Variants in TMEM156 observed in about 807,000 individuals in gnomAD.
The protein encoded by TMEM156 is transmembrane protein 156.
A neutral mutation model predicts 30.5 loss-of-function variants in TMEM156; 28 were observed. The observed-to-expected ratio is 0.92, with a 90% CI of 0.68 to 1.26. TMEM156 has a LOEUF of 1.26. Ranked by LOEUF, TMEM156 falls within the 50% of genes most tolerant of loss-of-function variation. The probability of loss-of-function intolerance (pLI) is 0.00; values close to 1 mark genes in which losing one functional copy is unlikely to be tolerated. For missense variants in TMEM156, 351 were observed against 340.6 expected, an observed-to-expected ratio of 1.03 and a Z score of -0.24; for synonymous variants, 137 against 119.9, an observed-to-expected ratio of 1.14 and a Z score of -0.93.
chr4:39,016,410 G>C (rs940573897), intron 1 of TMEM156, among the ~76,000 whole-genome samples: 3 of 150,350 alleles, frequency 2.0e-5, no homozygotes, highest in Non-Finnish European at 4.4e-5. Context: ...GAACCAACTT[G>C]TGATTTTATT....
chr4:39,017,201 GTCT>G (rs529527731), intron 1 of TMEM156, among the ~76,000 whole-genome samples: 1,124 of 106,330 alleles, frequency 0.011, 22 homozygotes, highest in African/African-American at 0.039. Flanking sequence ...TTGAGACAGA[GTCT>G]CGCTCTGTCT....
chr4:38,987,476 C>A (rs1712087632), intron 4 of TMEM156, among the ~76,000 whole-genome samples: 1 of 152,192 alleles, frequency 6.6e-6, no homozygotes, highest in African/African-American at 2.4e-5. Flanking sequence ...TGATATGAAA[C>A]TGCTCTCAAA....
intron 5 of TMEM156, among the ~76,000 whole-genome samples, chr4:38,976,428 C>T (rs1722856450): frequency 6.6e-6 from 1 of 152,122 alleles, no homozygotes; most frequent in African/African-American, 2.4e-5. Context: ...CCAAGGCCCT[C>T]CGTACACAGC....
At chr4:38,987,196 T>A (rs1801074) in intron 4 of TMEM156, among the ~76,000 whole-genome samples, 19,965 of 152,214 alleles carry the variant, frequency 0.13, 1,444 homozygotes, top group East Asian at 0.21. Context: ...ATAACACACA[T>A]TTACTTTAAA....
chr4:38,999,046 T>C (rs2109977790), intron 1 of TMEM156, 137 bp from the exon 2 acceptor site: 2 of 479,726 alleles, frequency 4.2e-6, no homozygotes, highest in East Asian at 3.4e-5. Flanking sequence ...AGACTGTTTT[T>C]TAAACTTGAA....
In TMEM156 at chr4:38,998,874, A is replaced by C. The variant is rs753250432; in HGVS notation, c.124T>G (p.Leu42Val). 6.2e-7 allele frequency: 1 copy of C among 1,613,776 alleles called. No homozygotes were observed. Among genetic ancestry groups the C allele is most frequent in the Non-Finnish European group, 8.5e-7 (1 of 1,179,888 alleles). Reference sequence around the variant, plus strand: ...AGTGAATAGGTAAAATTAGATTGCAAACACACTTCCAGACATGATAGCTCC... The same window carrying C: ...AGTGAATAGGTAAAATTAGATTGCACACACACTTCCAGACATGATAGCTCC... ...TLELSCLEVC[L>V]QSNFTYSLSS... Residue 42 changes from leucine to valine, a missense_variant, in exon 2 of 7, where the codon TTG becomes GTG. By Grantham distance (32) the Leu-to-Val change is conservative. Transcript: ENST00000381938.
chr4:39,014,561 C>G (rs549828190), intron 1 of TMEM156, among the ~76,000 whole-genome samples: 1 of 152,120 alleles, frequency 6.6e-6, no homozygotes, highest in Non-Finnish European at 1.5e-5. Flanking sequence ...GAGTTTGAGG[C>G]CAGCCTGGCC....
chr4:38,974,254 G>A (rs537252059), intron 5 of TMEM156, among the ~76,000 whole-genome samples: 1 of 148,314 alleles, frequency 6.7e-6, no homozygotes, highest in South Asian at 2.1e-4. Flanking sequence ...ACCCAGGTTG[G>A]AGTATAGTGG....
At chr4:38,994,151 G>T (rs1316103739) in intron 2 of TMEM156, among the ~76,000 whole-genome samples, 153 bp from the exon 3 acceptor site, 2 of 152,188 alleles carry the variant, frequency 1.3e-5, no homozygotes, top group South Asian at 2.1e-4. Flanking sequence ...TTGAGACAGG[G>T]TCTCACTCCG....
At chr4:39,013,064 T>G (rs1273709894) in intron 1 of TMEM156, among the ~76,000 whole-genome samples, 1 of 152,092 alleles carries the variant, frequency 6.6e-6, no homozygotes, top group Non-Finnish European at 1.5e-5. Context: ...TCTGGGAGGC[T>G]ACTGTGGGTG....
At chr4:39,024,626 G>A (rs562879375) in intron 1 of TMEM156, among the ~76,000 whole-genome samples, 1 of 152,280 alleles carries the variant, frequency 6.6e-6, no homozygotes, top group South Asian at 2.1e-4. Flanking sequence ...GCTAAATGAT[G>A]AGAACACATA....
chr4:38,978,246 T>G (rs1722976674), intron 5 of TMEM156, among the ~76,000 whole-genome samples: 1 of 150,566 alleles, frequency 6.6e-6, no homozygotes, highest in Admixed American at 6.6e-5. Context: ...GTTATTAAAT[T>G]GGAAAGCCAA....
chr4:39,014,254 A>G (rs945049720), intron 1 of TMEM156, among the ~76,000 whole-genome samples: 2 of 152,250 alleles, frequency 1.3e-5, no homozygotes, highest in African/African-American at 4.8e-5. Flanking sequence ...GTCAAAGTCC[A>G]TATCATGTCA....
intron 6 of TMEM156, 32 bp downstream of exon 6, chr4:38,971,000 G>T: frequency 2.9e-6 from 4 of 1,360,610 alleles, no homozygotes; most frequent in South Asian, 1.2e-5. Flanking sequence ...TGTTTATAAT[G>T]AAGAAGTCGA....
intron 1 of TMEM156, among the ~76,000 whole-genome samples, chr4:39,005,932 T>G (rs1010679332): frequency 6.6e-6 from 1 of 152,192 alleles, no homozygotes; most frequent in Non-Finnish European, 1.5e-5. Context: ...ACTCTCACTC[T>G]GTTGCCAGGC....
intron 1 of TMEM156, among the ~76,000 whole-genome samples, chr4:39,007,806 T>C (rs1413062327): frequency 3.9e-5 from 6 of 152,136 alleles, no homozygotes; most frequent in African/African-American, 1.2e-4. Flanking sequence ...TATCTTTCAA[T>C]AAGTTTTCTA....
At chr4:39,023,630 G>A (rs1280517067) in intron 1 of TMEM156, among the ~76,000 whole-genome samples, 1 of 152,086 alleles carries the variant, frequency 6.6e-6, no homozygotes, top group Admixed American at 6.6e-5. Flanking sequence ...ATCACTTGAG[G>A]TCAGGAGTTC....
chr4:39,027,927 T>C (rs1266169413), intron 1 of TMEM156, among the ~76,000 whole-genome samples: 1 of 152,094 alleles, frequency 6.6e-6, no homozygotes, highest in African/African-American at 2.4e-5. Flanking sequence ...CGGCTAATTT[T>C]TAATTTTTTA....
At chr4:38,994,264 A>G (rs545363303) in intron 2 of TMEM156, among the ~76,000 whole-genome samples, 6 of 152,176 alleles carry the variant, frequency 3.9e-5, no homozygotes, top group African/African-American at 1.4e-4. Context: ...AGCTGGGACT[A>G]CAGGTGTATG....
Sources: allele counts gnomAD v4.1 joint callset (sites outside exome capture counted in the v4.1 genomes callset), GRCh38; gene constraint gnomAD v4.1.1; transcripts MANE v1.5; gene names NCBI Gene and HGNC (gene_info 2026-07-23, HGNC 2026-07-21).